The following GSTP1 variants were observed in gnomAD, a reference collection of about 807,000 sequenced individuals.
GSTP1 encodes glutathione S-transferase pi 1.
GSTP1 carries 28 observed loss-of-function variants against 29.4 expected under a neutral mutation model. That is an observed-to-expected ratio of 0.95 (90% confidence interval 0.71 to 1.30). The LOEUF (loss-of-function observed/expected upper bound fraction) is 1.30. Among genes scored for constraint, GSTP1 ranks in the 50% most tolerant of loss-of-function variants. The probability of loss-of-function intolerance (pLI) is 0.00; values close to 1 mark genes in which losing one functional copy is unlikely to be tolerated. For missense variants in GSTP1, 267 were observed against 266.1 expected (o/e 1.00, Z -0.02); for synonymous variants, 122 against 117.0 (o/e 1.04, Z -0.28).
rs769545271 is a variant in GSTP1 at position 67,586,186 on chromosome 11, G to T, written c.419G>T (p.Gly140Val). ...ACCCTGCTGTCCCAGAACCAGGGAG[G>T]CAAGACCTTCATTGTGGGAGACCAG... Reference protein sequence around the residue: ...FETLLSQNQGGKTFIVGDQIS... With the variant: ...FETLLSQNQGVKTFIVGDQIS... Residue 140 changes from glycine (G) to valine (V), a missense_variant, in exon 6 of 7, where the codon GGC becomes GTC. By Grantham distance (109) the Gly-to-Val change is moderately radical. Coordinates refer to ENST00000398606, the MANE Select transcript of GSTP1 (RefSeq NM_000852.4). The T allele has an allele frequency of 1.2e-6, 2 of 1,613,430 alleles. No individual in the cohort carries two copies. Among genetic ancestry groups the T allele is most frequent in the South Asian group, 2.2e-5 (2 of 91,048 alleles).
intron 2 of GSTP1, 103 bp downstream of exon 2, chr11:67,584,272 T>G: frequency 1.1e-6 from 1 of 943,434 alleles, no homozygotes; most frequent in Non-Finnish European, 1.6e-6. Flanking sequence ...CCCTCCGTCG[T>G]GTGGCTTTTA....
In GSTP1 at chr11:67,586,188, A is replaced by C; in HGVS notation, c.421A>C (p.Lys141Gln). 19 of 1,613,596 alleles carry C rather than the reference A, an allele frequency of 1.2e-5. No homozygotes were observed. The highest frequency in any genetic ancestry group is 1.6e-5 in the Non-Finnish European group (19 of 1,179,580). The change falls in exon 6 of 7, where the codon AAG becomes CAG. Residue 141 changes from lysine (K) to glutamine (Q), a missense_variant. Transcript: ENST00000398606. ...ETLLSQNQGG[K>Q]TFIVGDQISF... ...CCTGCTGTCCCAGAACCAGGGAGGC[A>C]AGACCTTCATTGTGGGAGACCAGGT...
chr11:67,586,371 G>C lies in GSTP1; in HGVS notation c.445-18G>C. ...GCCTGCTCCCGCTGGCTGAGTCCCT[G>C]GCCCCCCTGCCCTGCAGATCTCCTT... On this transcript the variant is annotated intron_variant, in intron 6 of 6. Coordinates refer to ENST00000398606, the MANE Select transcript of GSTP1 (RefSeq NM_000852.4). 6.2e-7 allele frequency: 1 copy of C among 1,603,736 alleles called. No individual in the cohort carries two copies. The highest frequency in any genetic ancestry group is 8.5e-7 in the Non-Finnish European group (1 of 1,173,500).
intron 4 of GSTP1, 69 bp from the exon 5 acceptor site, chr11:67,585,069 C>T: frequency 9.9e-7 from 1 of 1,006,030 alleles, no homozygotes; most frequent in Non-Finnish European, 1.5e-6. Context: ...CCTGGTTGGC[C>T]CATCCCCAGT....
At position 67,585,122 on chromosome 11, in the gene GSTP1, C is replaced by T. The variant is rs1381045311; in HGVS notation, c.233-16C>T. The T allele has an allele frequency of 7.0e-6, 11 of 1,571,346 alleles. No homozygotes were observed. Among genetic ancestry groups the T allele is most frequent in the Middle Eastern group, 3.3e-4 (2 of 5,998 alleles). ...GCGCCCAGTCACGCGGCCTGCTCCCCTCCACCCAACCCCAGGGCTCTATGG... is the reference window on the plus strand; with the variant it reads ...GCGCCCAGTCACGCGGCCTGCTCCCTTCCACCCAACCCCAGGGCTCTATGG... On this transcript the variant is annotated splice_polypyrimidine_tract_variant and intron_variant, in intron 4 of 6. Coordinates refer to ENST00000398606, the MANE Select transcript of GSTP1 (RefSeq NM_000852.4).
At chr11:67,584,815 C>T in intron 4 of GSTP1, 43 bp downstream of exon 4, 23 of 1,395,416 alleles carry the variant, frequency 1.6e-5, no homozygotes, top group Non-Finnish European at 2.3e-5. Context: ...ATGGGCAAGC[C>T]TCTGCCCCCG....
intron 1 of GSTP1, 21 bp from the exon 2 acceptor site, chr11:67,584,113 A>G (rs1565218098): frequency 5.0e-6 from 8 of 1,606,830 alleles, no homozygotes; most frequent in Non-Finnish European, 6.8e-6. Flanking sequence ...GCTCCAGCAA[A>G]CTTTTCTTTG....
intron 5 of GSTP1, among the ~76,000 whole-genome samples, chr11:67,585,862 C>A (rs1261140512): frequency 6.6e-6 from 1 of 152,048 alleles, no homozygotes; most frequent in Non-Finnish European, 1.5e-5. Flanking sequence ...CTAGAAGGAT[C>A]CTCCAGAGAA....
rs1867431164 is a variant in GSTP1 at position 67,584,476 on chromosome 11, C to T, written c.50C>T (p.Ala17Val). 6.5e-7 allele frequency: 1 copy of T among 1,538,180 alleles called. No individual in the cohort carries two copies. ...TCCCTCCCCGCAGGCCGCTGCGCGGCCCTGCGCATGCTGCTGGCAGATCAG... is the reference window on the plus strand; with the variant it reads ...TCCCTCCCCGCAGGCCGCTGCGCGGTCCTGCGCATGCTGCTGGCAGATCAG... ...VYFPVRGRCA[A>V]LRMLLADQGQ... is the part of the protein sequence containing the mutation. The change falls in exon 3 of 7, where the codon GCC becomes GTC. Residue 17 changes from alanine (A) to valine (V), a missense_variant. Coordinates refer to ENST00000398606, the MANE Select transcript of GSTP1 (RefSeq NM_000852.4).
chr11:67,584,660 C>A, intron 3 of GSTP1, 25 bp from the exon 4 acceptor site: 1 of 1,601,356 alleles, frequency 6.2e-7, no homozygotes, highest in Non-Finnish European at 8.6e-7. Context: ...CAGTGCCCCT[C>A]CCTGAGCCAT....
intron 5 of GSTP1, among the ~76,000 whole-genome samples, chr11:67,585,667 G>A (rs947156321): frequency 8.7e-4 from 132 of 150,956 alleles, no homozygotes; most frequent in Non-Finnish European, 2.8e-4. Flanking sequence ...GCGTGTGTGC[G>A]CGTGCGTGTG....
At chr11:67,585,458 A>AT (rs1867452275) in intron 5 of GSTP1, among the ~76,000 whole-genome samples, 2 of 152,166 alleles carry the variant, frequency 1.3e-5, no homozygotes, top group South Asian at 4.1e-4. Context: ...GTAACGGGTC[A>AT]TGGGGGCGAG....
rs12796085 is a variant in GSTP1 at position 67,584,478 on chromosome 11, C to G, written c.52C>G (p.Leu18Val). The stretch of plus-strand genomic sequence containing the variant: ...CCTCCCCGCAGGCCGCTGCGCGGCC[C>G]TGCGCATGCTGCTGGCAGATCAGGG... ...YFPVRGRCAA[L>V]RMLLADQGQS... Residue 18 changes from leucine (L) to valine (V), a missense_variant, in exon 3 of 7, where the codon CTG becomes GTG. Transcript: ENST00000398606. The G allele has an allele frequency of 5.8e-5, 90 of 1,544,424 alleles. No individual in the cohort carries two copies. The South Asian group carries it at 7.8e-4, about 13-fold the overall frequency.
At chr11:67,584,868 T>C in intron 4 of GSTP1, 96 bp downstream of exon 4, 1 of 946,120 alleles carries the variant, frequency 1.1e-6, no homozygotes. Flanking sequence ...CCCTCTGGAG[T>C]GGAGGAAACT....
chr11:67,586,248 C>T, intron 6 of GSTP1, 37 bp downstream of exon 6: 2 of 1,550,518 alleles, frequency 1.3e-6, no homozygotes, highest in Non-Finnish European at 1.8e-6. Flanking sequence ...TTCCTCGCCA[C>T]CCTCTGCTTC....
In GSTP1 at chr11:67,584,724, A is replaced by G; in HGVS notation, c.184A>G (p.Thr62Ala). 6.2e-7 allele frequency: 1 copy of G among 1,613,648 alleles called. No homozygotes were observed. Among genetic ancestry groups the G allele is most frequent in the South Asian group, 1.1e-5 (1 of 91,082 alleles). ...CCCCAAGTTCCAGGACGGAGACCTC[A>G]CCCTGTACCAGTCCAATACCATCCT... ...QLPKFQDGDLTLYQSNTILRH... is the reference protein window; with the variant it reads ...QLPKFQDGDLALYQSNTILRH... The change falls in exon 4 of 7, where the codon ACC becomes GCC. Residue 62 changes from threonine to alanine, a missense_variant. Transcript: ENST00000398606.
At chr11:67,584,901 T>C in intron 4 of GSTP1, 129 bp downstream of exon 4, 2 of 776,624 alleles carry the variant, frequency 2.6e-6, no homozygotes, top group Non-Finnish European at 4.3e-6. Flanking sequence ...GGTTACGTAG[T>C]TTGCCCAAGG....
intron 4 of GSTP1, 78 bp downstream of exon 4, chr11:67,584,850 C>A: frequency 9.3e-7 from 1 of 1,078,618 alleles, no homozygotes; most frequent in Non-Finnish European, 1.4e-6. Context: ...AAATCAGCTG[C>A]CCCGCAGCCC....
Position 67,584,583 on chromosome 11 carries a change from G to GC in GSTP1, c.144+16dup. 6.3e-7 allele frequency: 1 copy of GC among 1,589,784 alleles called. No homozygotes were observed. Among genetic ancestry groups the GC allele is most frequent in the Non-Finnish European group, 8.6e-7 (1 of 1,159,624 alleles). On this transcript the variant is annotated intron_variant, in intron 3 of 6. Transcript: ENST00000398606. Reference sequence around the variant, plus strand: ...CAAAGCCTCCTGCGTAAGTGACCATGCCCGGGCAAGGGGAGGGGGTGCTGG... The same window carrying GC: ...CAAAGCCTCCTGCGTAAGTGACCATGCCCCGGGCAAGGGGAGGGGGTGCTGG...
Sources: allele counts gnomAD v4.1 joint callset (sites outside exome capture counted in the v4.1 genomes callset), GRCh38; gene constraint gnomAD v4.1.1; transcripts MANE v1.5; gene names NCBI Gene and HGNC (gene_info 2026-07-23, HGNC 2026-07-21).